The following NALCN variants were observed in gnomAD, a reference collection of about 807,000 sequenced individuals.
NALCN encodes the protein sodium leak channel, non-selective.
NALCN carries 111 observed loss-of-function variants against 225.3 expected under a neutral mutation model. The ratio of observed to expected loss-of-function variants is 0.49; its 90% CI spans 0.42 to 0.58. The LOEUF (loss-of-function observed/expected upper bound fraction) is 0.58. Among genes scored for constraint, NALCN ranks in the 20% least tolerant of loss-of-function variants. The pLI, the probability that NALCN is intolerant of heterozygous loss-of-function variation, is 0.00. For synonymous variants in NALCN, 764 were observed against 769.0 expected, an observed-to-expected ratio of 0.99 and a Z score of 0.11; for missense variants, 1,378 against 2,202.4, an observed-to-expected ratio of 0.63 and a Z score of 7.49.
chr13:101,400,578 T>TGCGC (rs879318419), intron 1 of NALCN, among the ~76,000 whole-genome samples: 11 of 114,928 alleles, frequency 9.6e-5, no homozygotes, highest in South Asian at 5.4e-4. Context: ...TGTGTGTGTG[T>TGCGC]GTGCACGTGT....
At chr13:101,415,206 C>CATATGTATATATATATAT in intron 1 of NALCN, among the ~76,000 whole-genome samples, 1 of 104,820 alleles carries the variant, frequency 9.5e-6, no homozygotes, top group Non-Finnish European at 1.8e-5. Context: ...ACAAATCACA[C>CATATGTATATATATATAT]ACATATATAT....
intron 12 of NALCN, among the ~76,000 whole-genome samples, chr13:101,233,753 A>G (rs1172976192): frequency 6.6e-6 from 1 of 152,152 alleles, no homozygotes; most frequent in Non-Finnish European, 1.5e-5. Flanking sequence ...TGTTATGAGA[A>G]ACAAATGAGA....
At chr13:101,158,251 G>A (rs2038000482) in intron 15 of NALCN, among the ~76,000 whole-genome samples, 1 of 152,200 alleles carries the variant, frequency 6.6e-6, no homozygotes. Context: ...TTTTGTATAA[G>A]GAGAGTTTTA....
chr13:101,410,181 G>A (rs1012467611), intron 1 of NALCN, among the ~76,000 whole-genome samples: 3 of 152,176 alleles, frequency 2.0e-5, no homozygotes, highest in Admixed American at 6.5e-5. Context: ...CACTCAAGCT[G>A]AGGCCTCCTT....
intron 10 of NALCN, among the ~76,000 whole-genome samples, chr13:101,262,921 AG>A (rs1413422500): frequency 6.6e-6 from 1 of 152,228 alleles, no homozygotes; most frequent in Non-Finnish European, 1.5e-5. Context: ...ATATATGTAA[AG>A]GGCTTAGAAC....
intron 15 of NALCN, among the ~76,000 whole-genome samples, chr13:101,153,638 G>T (rs2037761415): frequency 6.6e-6 from 1 of 152,064 alleles, no homozygotes; most frequent in Non-Finnish European, 1.5e-5. Flanking sequence ...GTCCCCCCCT[G>T]CCTCAGTGGG....
intron 13 of NALCN, among the ~76,000 whole-genome samples, chr13:101,216,070 T>C (rs1287328663): frequency 1.3e-5 from 2 of 152,082 alleles, no homozygotes; most frequent in African/African-American, 4.8e-5. Flanking sequence ...GGGGGACAGC[T>C]TAGAATCTGC....
intron 41 of NALCN, among the ~76,000 whole-genome samples, chr13:101,061,582 T>C (rs936595654): frequency 2.6e-5 from 4 of 152,170 alleles, no homozygotes; most frequent in African/African-American, 9.7e-5. Flanking sequence ...GGTTTTGCCA[T>C]GTTGGCAGGC....
chr13:101,068,708 T>C lies in NALCN; in HGVS notation c.4317A>G (p.Leu1439=). ...AACATCACTTACCTACAAGCAGATT[T>C]AGCATGATGTAGGCAATGATGACAT... The part of the protein sequence containing the change: ...SFYVIIAYIM[L]NLLVAIIVEN... Residue 1439 remains leucine (L), a synonymous_variant, in exon 38 of 44, where the codon CTA becomes CTG. Transcript: ENST00000251127. 6.2e-7 allele frequency: 1 copy of C among 1,603,046 alleles called. No homozygotes were observed. The highest frequency in any genetic ancestry group is 8.5e-7 in the Non-Finnish European group (1 of 1,175,818).
At chr13:101,211,784 G>A (rs558573182) in intron 13 of NALCN, among the ~76,000 whole-genome samples, 1 of 151,776 alleles carries the variant, frequency 6.6e-6, no homozygotes, top group Admixed American at 6.6e-5. Flanking sequence ...TTATGAAACT[G>A]TGAAAGATTT....
At chr13:101,093,925 TC>T (rs1292888024) in intron 28 of NALCN, among the ~76,000 whole-genome samples, 3 of 152,190 alleles carry the variant, frequency 2.0e-5, no homozygotes, top group Non-Finnish European at 4.4e-5. Flanking sequence ...CACGAGATTC[TC>T]ACATGACTGA....
intron 42 of NALCN, 25 bp from the exon 43 acceptor site, chr13:101,058,081 T>C (rs1406376459): frequency 6.3e-7 from 1 of 1,595,084 alleles, no homozygotes; most frequent in Non-Finnish European, 8.5e-7. Context: ...AAGCACACAG[T>C]TACCGTCTTT....
chr13:101,125,159 A>T (rs1467579291), intron 17 of NALCN, among the ~76,000 whole-genome samples: 2 of 152,104 alleles, frequency 1.3e-5, no homozygotes, highest in African/African-American at 4.8e-5. Flanking sequence ...CGATGATAAA[A>T]TTACTCCAGA....
chr13:101,294,560 C>CTTTTTTT (rs10615640), intron 7 of NALCN, among the ~76,000 whole-genome samples: 5 of 87,866 alleles, frequency 5.7e-5, no homozygotes, highest in Non-Finnish European at 1.2e-4. Context: ...TTTATTGTTT[C>CTTTTTTT]TTTTTTTTTT....
At chr13:101,304,636 C>T (rs1303525915) in intron 7 of NALCN, among the ~76,000 whole-genome samples, 1 of 152,130 alleles carries the variant, frequency 6.6e-6, no homozygotes, top group African/African-American at 2.4e-5. Context: ...CCAGGTTTCG[C>T]CATGTTGCTC....
intron 15 of NALCN, among the ~76,000 whole-genome samples, chr13:101,161,855 G>C (rs1464509533): frequency 2.0e-5 from 3 of 152,178 alleles, no homozygotes; most frequent in Non-Finnish European, 4.4e-5. Context: ...CTGGGTGACA[G>C]AGTGAGACTG....
rs9582446 is a variant in NALCN, at chr13:101,073,394, A to G, written c.4197+190T>C. The stretch of plus-strand genomic sequence containing the variant: ...AACTACAATAGCTCAAGTTGGGTTA[A>G]TTGAGTATTTTGCCCTAAATATTCA... On this transcript the variant is annotated intron_variant, in intron 37 of 43. Transcript: ENST00000251127. 3.1e-3 allele frequency among the ~76,000 whole-genome samples: 476 copies of G among 152,324 alleles called. No individual in the cohort carries two copies. The highest frequency in any genetic ancestry group is 0.011 in the African/African-American group (463 of 41,566).
chr13:101,273,103 CTT>C (rs1472687561), intron 10 of NALCN, among the ~76,000 whole-genome samples: 1 of 152,192 alleles, frequency 6.6e-6, no homozygotes, highest in Non-Finnish European at 1.5e-5. Context: ...CTTTCATTCT[CTT>C]GTCAGAGACT....
At chr13:101,074,909 T>C (rs2033154705) in intron 35 of NALCN, among the ~76,000 whole-genome samples, 1 of 152,184 alleles carries the variant, frequency 6.6e-6, no homozygotes, top group South Asian at 2.1e-4. Context: ...TATTTTTACT[T>C]CAAACATTTC....
Sources: gnomAD v4.1 joint callset for allele counts (sites outside exome capture counted in the v4.1 genomes callset) on GRCh38, gnomAD v4.1.1 for gene constraint, MANE v1.5 for transcripts, NCBI Gene and HGNC (gene_info 2026-07-23, HGNC 2026-07-21) for gene names.